ZFAND4: variants seen among roughly 807,000 people sequenced by gnomAD.
ZFAND4 encodes the protein zinc finger AN1-type containing 4, also known as AN1-type zinc finger protein 4.
A neutral mutation model predicts 64.4 loss-of-function variants in ZFAND4; 43 were observed. That is an observed-to-expected ratio of 0.67 (90% confidence interval 0.52 to 0.86). ZFAND4 has a LOEUF of 0.86. Ranked by LOEUF, ZFAND4 falls within the 40% of genes least tolerant of loss-of-function variation. ZFAND4 has a pLI of 0.00. For missense variants in ZFAND4, 929 were observed against 859.8 expected, an observed-to-expected ratio of 1.08 and a Z score of -1.01; for synonymous variants, 296 against 305.7, an observed-to-expected ratio of 0.97 and a Z score of 0.33.
rs1046305449 is a variant in ZFAND4, at chr10:45,624,643, A to G, written c.1873-6T>C. On this transcript the variant is annotated splice_region_variant and splice_polypyrimidine_tract_variant and intron_variant, in intron 7 of 9. Transcript: ENST00000344646. ...ATTCCAACACCATGGGTAGACTACA[A>G]TTAAAACACAAAACATCTATAGAGG... 1.2e-6 allele frequency: 2 copies of G among 1,613,022 alleles called. No homozygotes were observed. The highest frequency in any genetic ancestry group is 1.7e-4 in the Middle Eastern group (1 of 6,058).
chr10:45,655,066 A>G (rs994252535), intron 2 of ZFAND4, among the ~76,000 whole-genome samples: 3 of 152,354 alleles, frequency 2.0e-5, no homozygotes, highest in South Asian at 2.1e-4. Context: ...TCTCATCAGC[A>G]CATGAAACAT....
chr10:45,637,068 C>T (rs1300342101), intron 6 of ZFAND4, among the ~76,000 whole-genome samples: 2 of 151,282 alleles, frequency 1.3e-5, no homozygotes, highest in Non-Finnish European at 2.9e-5. Context: ...CAGCTGGGCG[C>T]GGTGGCTCGC....
chr10:45,651,630 T>C, intron 4 of ZFAND4: 1 of 480,344 alleles, frequency 2.1e-6, no homozygotes. Context: ...GAAGATCTGG[T>C]AGATTTAAAA....
chr10:45,628,821 T>C (rs2046008719), intron 6 of ZFAND4, among the ~76,000 whole-genome samples: 1 of 132,942 alleles, frequency 7.5e-6, no homozygotes, highest in Non-Finnish European at 1.5e-5. Context: ...TATTCCCCAA[T>C]CCAAGAAACT....
At chr10:45,652,891 C>T (rs1272553251) in intron 3 of ZFAND4, 93 bp downstream of exon 3, 3 of 934,474 alleles carry the variant, frequency 3.2e-6, no homozygotes, top group Non-Finnish European at 4.9e-6. Flanking sequence ...AGGAGAAAAA[C>T]AGACATGATC....
chr10:45,651,075 G>A (rs1347273705), intron 4 of ZFAND4: 1 of 152,272 alleles, frequency 6.6e-6, no homozygotes, highest in Non-Finnish European at 1.5e-5. Context: ...GCCAGGAGTA[G>A]AATCAATACT....
At chr10:45,652,161 T>C in intron 3 of ZFAND4, 128 bp from the exon 4 acceptor site, 1 of 763,028 alleles carries the variant, frequency 1.3e-6, no homozygotes, top group South Asian at 1.6e-5. Context: ...TATAGCAATG[T>C]AAATACATAT....
intron 5 of ZFAND4, among the ~76,000 whole-genome samples, chr10:45,642,314 A>G (rs1463155206): frequency 6.6e-6 from 1 of 152,158 alleles, no homozygotes; most frequent in African/African-American, 2.4e-5. Flanking sequence ...ATATATATAT[A>G]AAAGAACAAT....
chr10:45,618,764 T>C (rs2045194387), intron 8 of ZFAND4, among the ~76,000 whole-genome samples: 1 of 152,210 alleles, frequency 6.6e-6, no homozygotes, highest in African/African-American at 2.4e-5. Flanking sequence ...CTTCAATATG[T>C]TTATTTTTAA....
chr10:45,650,794 G>A (rs2047711063), intron 4 of ZFAND4: 1 of 151,902 alleles, frequency 6.6e-6, no homozygotes, highest in Non-Finnish European at 1.5e-5. Context: ...ACATCACATA[G>A]TTATTACTAT....
Position 45,672,708 on chromosome 10 carries a change from C to A in ZFAND4, c.-576G>T, listed in dbSNP as rs890584437. 5 of 152,340 alleles carry A rather than the reference C, an allele frequency of 3.3e-5. No homozygotes were observed. The highest frequency in any genetic ancestry group is 1.2e-4 in the African/African-American group (5 of 41,580). 9.4% of individuals were successfully genotyped at this position (152,340 alleles called of 1,614,324 possible). On this transcript the variant is annotated 5_prime_UTR_variant, in exon 1 of 10. Transcript: ENST00000344646. ...AGTCTTGTCCGCTGGCTCGCTCGCC[C>A]GCCTACAGGTCGACAGGGCCCAACG... is the stretch of plus-strand genomic sequence containing the variant.
chr10:45,664,293 A>C (rs2133859793), intron 1 of ZFAND4, among the ~76,000 whole-genome samples: 1 of 148,834 alleles, frequency 6.7e-6, no homozygotes, highest in Middle Eastern at 3.5e-3. Flanking sequence ...TTTTTTTGAC[A>C]GAGTCTCGCT....
At chr10:45,660,680 A>C (rs2048413210) in intron 2 of ZFAND4, among the ~76,000 whole-genome samples, 2 of 152,210 alleles carry the variant, frequency 1.3e-5, no homozygotes, top group African/African-American at 4.8e-5. Flanking sequence ...AAGGGAAAAA[A>C]ACACCTTACC....
intron 8 of ZFAND4, among the ~76,000 whole-genome samples, chr10:45,623,565 G>A (rs998395681): frequency 6.6e-6 from 1 of 152,120 alleles, no homozygotes; most frequent in Non-Finnish European, 1.5e-5. Context: ...GACAAATACT[G>A]TTTGATTCCA....
chr10:45,622,500 C>T (rs904608055), intron 8 of ZFAND4, among the ~76,000 whole-genome samples: 11 of 150,638 alleles, frequency 7.3e-5, no homozygotes, highest in African/African-American at 2.4e-4. Context: ...ACTGGATTTC[C>T]TAATGTGTCA....
At chr10:45,664,724 G>A (rs779017661) in intron 1 of ZFAND4, among the ~76,000 whole-genome samples, 3 of 151,860 alleles carry the variant, frequency 2.0e-5, no homozygotes, top group Admixed American at 6.6e-5. Flanking sequence ...TCAGGAGATC[G>A]AGACCATCCT....
At chr10:45,671,502 A>T (rs1015929604) in intron 1 of ZFAND4, among the ~76,000 whole-genome samples, 3 of 91,418 alleles carry the variant, frequency 3.3e-5, no homozygotes, top group African/African-American at 1.1e-4. Context: ...ATGCAGCCAT[A>T]AAAAAAGGAT....
At chr10:45,619,087 G>A (rs2045221665) in intron 8 of ZFAND4, among the ~76,000 whole-genome samples, 1 of 151,290 alleles carries the variant, frequency 6.6e-6, no homozygotes, top group Non-Finnish European at 1.5e-5. Flanking sequence ...CGCCCAGGCT[G>A]TAGTGCAGTG....
intron 7 of ZFAND4, among the ~76,000 whole-genome samples, chr10:45,625,439 A>T (rs1010399526): frequency 3.5e-5 from 5 of 142,068 alleles, no homozygotes; most frequent in Non-Finnish European, 6.0e-5. Context: ...GCGCCATTGC[A>T]CTCCAGCCTG....
Sources: allele counts gnomAD v4.1 joint callset (sites outside exome capture counted in the v4.1 genomes callset), GRCh38; gene constraint gnomAD v4.1.1; transcripts MANE v1.5; gene names NCBI Gene and HGNC (gene_info 2026-07-23, HGNC 2026-07-21).